The following ZC3H15 variants were observed in gnomAD, a reference collection of about 807,000 sequenced individuals.
The protein encoded by ZC3H15 is zinc finger CCCH-type containing 15, also known as zinc finger CCCH domain-containing protein 15.
ZC3H15 carries 15 observed loss-of-function variants against 51.2 expected under a neutral mutation model. The ratio of observed to expected loss-of-function variants is 0.29; its 90% CI spans 0.20 to 0.45. The LOEUF is 0.45. ZC3H15 is among the 20% of genes least tolerant of loss of function. ZC3H15 has a pLI of 1.00. For missense variants in ZC3H15, 381 were observed against 494.7 expected, an observed-to-expected ratio of 0.77 and a Z score of 2.18; for synonymous variants, 144 against 162.8, an observed-to-expected ratio of 0.88 and a Z score of 0.88.
intron 1 of ZC3H15, among the ~76,000 whole-genome samples, chr2:186,492,752 G>A (rs1331377522): frequency 6.6e-6 from 1 of 151,964 alleles, no homozygotes; most frequent in Non-Finnish European, 1.5e-5. Context: ...TCCACGTGGT[G>A]GTATTTTGTA....
chr2:186,508,944 T>C lies in ZC3H15; in HGVS notation c.*211T>C. The C allele has an allele frequency of 3.1e-6, 2 of 648,818 alleles. No individual in the cohort carries two copies. Among genetic ancestry groups the C allele is most frequent in the Non-Finnish European group, 5.6e-6 (2 of 357,644 alleles). 40.2% of individuals were successfully genotyped at this position (648,818 alleles called of 1,614,324 possible). A position where few individuals can be genotyped will look rare whatever the true frequency, so the allele number is the denominator to read the frequency against. On this transcript the variant is annotated 3_prime_UTR_variant, in exon 10 of 10. Coordinates refer to ENST00000337859, the MANE Select transcript of ZC3H15 (RefSeq NM_018471.3). ...TAAGTTCAGAGTAGTTCATGATAAA[T>C]TGAAAATATAATGGTCATTGCAGAA...
At chr2:186,496,873 T>G (rs1182985921) in intron 2 of ZC3H15, among the ~76,000 whole-genome samples, 2 of 152,234 alleles carry the variant, frequency 1.3e-5, no homozygotes, top group South Asian at 2.1e-4. Flanking sequence ...TACTGTCATA[T>G]GTGGTCCCTC....
intron 1 of ZC3H15, among the ~76,000 whole-genome samples, chr2:186,492,038 C>G (rs1292704544): frequency 2.0e-5 from 3 of 152,032 alleles, no homozygotes; most frequent in African/African-American, 7.2e-5. Context: ...TGGCCAGGTC[C>G]CCTTAGGGGA....
At chr2:186,501,060 C>T (rs1204997039) in intron 3 of ZC3H15, among the ~76,000 whole-genome samples, 1 of 152,130 alleles carries the variant, frequency 6.6e-6, no homozygotes, top group African/African-American at 2.4e-5. Context: ...CTCTCTGCCA[C>T]CTTTCATAGT....
At position 186,486,350 on chromosome 2, in the gene ZC3H15, G is replaced by C. The variant is rs1382028082; in HGVS notation, c.-33G>C. The stretch of plus-strand genomic sequence containing the variant: ...AGAACCCCTGACGGTATTCAGCTGC[G>C]CGTAAGTCTGGCCGGTGCCATCTGT... On this transcript the variant is annotated 5_prime_UTR_variant, in exon 1 of 10. Coordinates refer to ENST00000337859, the MANE Select transcript of ZC3H15 (RefSeq NM_018471.3). 1 of 1,521,928 alleles carries C rather than the reference G, an allele frequency of 6.6e-7. No homozygotes were observed. Among genetic ancestry groups the C allele is most frequent in the Admixed American group, 2.1e-5 (1 of 48,304 alleles). The allele number at this position is 1,521,928 out of a possible 1,614,324, so 94.3% of individuals were successfully genotyped here. A position where few individuals can be genotyped will look rare whatever the true frequency, so the allele number is the denominator to read the frequency against.
At chr2:186,507,158 A>G (rs995350883) in intron 9 of ZC3H15, among the ~76,000 whole-genome samples, 2 of 152,236 alleles carry the variant, frequency 1.3e-5, no homozygotes, top group African/African-American at 4.8e-5. Flanking sequence ...AGACATGAAC[A>G]CCCTACAGAA....
At chr2:186,488,970 A>G (rs1685152508) in intron 1 of ZC3H15, 2 of 173,336 alleles carry the variant, frequency 1.2e-5, no homozygotes, top group Admixed American at 5.6e-5. Context: ...CGTTGGATGT[A>G]TGTCTTTGAG....
intron 9 of ZC3H15, chr2:186,507,528 G>A (rs1685487723): frequency 4.4e-6 from 2 of 455,222 alleles, no homozygotes; most frequent in Non-Finnish European, 8.8e-6. Context: ...ATACATGAAA[G>A]TATAAATAAT....
Position 186,506,768 on chromosome 2 carries a change from A to C in ZC3H15, c.1022A>C (p.Asp341Ala). The change falls in exon 9 of 10, where the codon GAT becomes GCT. Residue 341 changes from aspartate to alanine, a missense_variant. Physicochemically the swap from Asp to Ala is moderately radical, Grantham distance 126. This residue lies in a region of ZC3H15 where 215 missense variants were observed against 241.8 expected (regional missense o/e 0.89). Transcript: ENST00000337859. ...DIDLSLYIPR[D>A]VDETGITVAS... ...GATTTAAGCCTGTACATCCCAAGAG[A>C]TGTAGATGAAACAGGTATTACTGTA... 6 of 1,613,802 alleles carry C rather than the reference A, an allele frequency of 3.7e-6. No homozygotes were observed. Among genetic ancestry groups the C allele is most frequent in the Non-Finnish European group, 5.1e-6 (6 of 1,179,808 alleles).
At chr2:186,489,123 C>T (rs139221527) in intron 1 of ZC3H15, 15 of 152,362 alleles carry the variant, frequency 9.8e-5, no homozygotes, top group African/African-American at 3.6e-4. Context: ...CCTAGCCTGA[C>T]ATCTTGTAAT....
intron 5 of ZC3H15, among the ~76,000 whole-genome samples, chr2:186,503,244 T>C (rs1366586833): frequency 6.6e-6 from 1 of 152,232 alleles, no homozygotes; most frequent in Non-Finnish European, 1.5e-5. Flanking sequence ...TACTTGAGGC[T>C]TAAATACAAT....
rs764435053 is a variant in ZC3H15 at position 186,504,029 on chromosome 2, T to C, written c.535-3T>C. On this transcript the variant is annotated splice_region_variant and splice_polypyrimidine_tract_variant and intron_variant, in intron 5 of 9. Coordinates refer to ENST00000337859, the MANE Select transcript of ZC3H15 (RefSeq NM_018471.3). ...CCGCTTGTGAATAATATTGTCTCTATAGGTGTGCAAGCATTTCCTGGAAGC... is the reference window on the plus strand; with the variant it reads ...CCGCTTGTGAATAATATTGTCTCTACAGGTGTGCAAGCATTTCCTGGAAGC... 1.3e-6 allele frequency: 2 copies of C among 1,589,332 alleles called. No homozygotes were observed. Among genetic ancestry groups the C allele is most frequent in the South Asian group, 1.2e-5 (1 of 86,196 alleles).
rs192536764 is a variant in ZC3H15, at chr2:186,508,878, G to A, written c.*145G>A. ...TAACCTCCTGCAAAAAAGGCATCTT[G>A]TCCCTACATCTTCTCTTCTGACTTT... is the stretch of plus-strand genomic sequence containing the variant. On this transcript the variant is annotated 3_prime_UTR_variant, in exon 10 of 10. Transcript: ENST00000337859. The A allele has an allele frequency of 2.5e-6, 2 of 796,556 alleles. No individual in the cohort carries two copies. The highest frequency in any genetic ancestry group is 2.5e-5 in the Admixed American group (1 of 40,382). The allele number at this position is 796,556 out of a possible 1,614,324, so 49.3% of individuals were successfully genotyped here. A position where few individuals can be genotyped will look rare whatever the true frequency, so the allele number is the denominator to read the frequency against.
At chr2:186,494,636 C>T (rs1238834911) in intron 1 of ZC3H15, among the ~76,000 whole-genome samples, 1 of 152,144 alleles carries the variant, frequency 6.6e-6, no homozygotes, top group African/African-American at 2.4e-5. Context: ...CTTTGCACAT[C>T]CCATAGAACT....
At chr2:186,496,417 C>T (rs1459461035) in intron 2 of ZC3H15, among the ~76,000 whole-genome samples, 5 of 152,148 alleles carry the variant, frequency 3.3e-5, no homozygotes, top group Admixed American at 1.3e-4. Flanking sequence ...GGGATTTCGC[C>T]GTGTCACCCA....
Position 186,505,813 on chromosome 2 carries a change from G to A in ZC3H15, c.938G>A (p.Arg313His), listed in dbSNP as rs918367129. 5.0e-6 allele frequency: 8 copies of A among 1,613,862 alleles called. No individual in the cohort carries two copies. The highest frequency in any genetic ancestry group is 3.3e-5 in the Admixed American group (2 of 59,976). ...NDDDEEADDTRYTQGTGGDEV... is the reference protein window; with the variant it reads ...NDDDEEADDTHYTQGTGGDEV... Reference sequence around the variant, plus strand: ...GATGATGAGGAAGCAGATGATACCCGCTACACCCAGGGAACAGGTGGTGAT... The same window carrying A: ...GATGATGAGGAAGCAGATGATACCCACTACACCCAGGGAACAGGTGGTGAT... Residue 313 changes from arginine (R) to histidine (H), a missense_variant, in exon 8 of 10, where the codon CGC becomes CAC. Coordinates refer to ENST00000337859, the MANE Select transcript of ZC3H15 (RefSeq NM_018471.3).
chr2:186,488,246 G>T (rs1685137270), intron 1 of ZC3H15, among the ~76,000 whole-genome samples: 1 of 152,012 alleles, frequency 6.6e-6, no homozygotes, highest in African/African-American at 2.4e-5. Flanking sequence ...GTGTTTTGAG[G>T]AATTTATTCA....
At chr2:186,490,303 T>A (rs1430893505) in intron 1 of ZC3H15, among the ~76,000 whole-genome samples, 1 of 152,096 alleles carries the variant, frequency 6.6e-6, no homozygotes, top group African/African-American at 2.4e-5. Context: ...ATAGAAAGTT[T>A]GAATATGGAA....
At chr2:186,496,029 T>C (rs564178535) in intron 2 of ZC3H15, among the ~76,000 whole-genome samples, 10 of 152,320 alleles carry the variant, frequency 6.6e-5, no homozygotes, top group Admixed American at 2.0e-4. Flanking sequence ...GCATTGCAGA[T>C]AATTGGTGAT....
Sources: gnomAD v4.1 joint callset for allele counts (sites outside exome capture counted in the v4.1 genomes callset) on GRCh38, gnomAD v4.1.1 for gene constraint, gnomAD v4.1.1 regional missense constraint, MANE v1.5 for transcripts, NCBI Gene and HGNC (gene_info 2026-07-23, HGNC 2026-07-21) for gene names.